SULT1C3: variants seen among roughly 807,000 people sequenced by gnomAD.
SULT1C3 encodes the protein sulfotransferase family 1C member 3, also known as sulfotransferase 1C3.
A neutral mutation model predicts 28.4 loss-of-function variants in SULT1C3; 31 were observed. The observed-to-expected ratio is 1.09, with a 90% CI of 0.82 to 1.47. The LOEUF (loss-of-function observed/expected upper bound fraction) is 1.47, where lower values mean the gene tolerates loss of function less well. SULT1C3 is among the 40% of genes most tolerant of loss of function. SULT1C3 has a pLI of 0.00. For synonymous variants in SULT1C3, 106 were observed against 92.2 expected, an observed-to-expected ratio of 1.15 and a Z score of -0.86; for missense variants, 307 against 272.5, an observed-to-expected ratio of 1.13 and a Z score of -0.89.
At chr2:108,244,707 C>A (rs529649055) in intron 1 of SULT1C3, among the ~76,000 whole-genome samples, 3 of 152,140 alleles carry the variant, frequency 2.0e-5, no homozygotes, top group Non-Finnish European at 4.4e-5. Context: ...CCTAAGTCTG[C>A]CTTTACTTGT....
intron 1 of SULT1C3, among the ~76,000 whole-genome samples, chr2:108,242,308 T>C (rs1573212269): frequency 2.0e-5 from 3 of 152,208 alleles, no homozygotes; most frequent in South Asian, 4.1e-4. Flanking sequence ...AAAACATATA[T>C]AGCAGCACAG....
intron 2 of SULT1C3, among the ~76,000 whole-genome samples, chr2:108,249,730 C>A (rs1357100448): frequency 6.6e-6 from 1 of 152,006 alleles, no homozygotes; most frequent in Non-Finnish European, 1.5e-5. Flanking sequence ...CACAAACTGA[C>A]AAATTGATTC....
intron 2 of SULT1C3, among the ~76,000 whole-genome samples, chr2:108,247,994 G>A (rs1430544157): frequency 6.6e-6 from 1 of 152,126 alleles, no homozygotes; most frequent in Non-Finnish European, 1.5e-5. Flanking sequence ...CAGCTATTAG[G>A]AGAATTGATG....
In SULT1C3 at chr2:108,247,083, A is replaced by T. The variant is rs17035894; in HGVS notation, c.-7-105A>T. ...GCATGTTATATGTTAGCTTTCACTT[A>T]TTTTATGCTATTCTAATCAAAGGCA... is the stretch of plus-strand genomic sequence containing the variant. On this transcript the variant is annotated intron_variant, in intron 1 of 7. Coordinates refer to ENST00000681802, the MANE Select transcript of SULT1C3 (RefSeq NM_001320878.2). 3,301 of 836,164 alleles carry T rather than the reference A, an allele frequency of 3.9e-3. 88 individuals are homozygous for T. In the African/African-American group the frequency reaches 0.052, roughly 13 times the overall value. The allele number at this position is 836,164 out of a possible 1,614,324, so 51.8% of individuals were successfully genotyped here.
At chr2:108,240,771 T>A (rs1439654957) in intron 1 of SULT1C3, among the ~76,000 whole-genome samples, 1 of 152,230 alleles carries the variant, frequency 6.6e-6, no homozygotes, top group Non-Finnish European at 1.5e-5. Flanking sequence ...GACAAATATA[T>A]GATAACATTT....
chr2:108,247,256 T>C lies in SULT1C3; in HGVS notation c.62T>C (p.Met21Thr), dbSNP rs574322977. Residue 21 changes from methionine (M) to threonine (T), a missense_variant, in exon 2 of 8, where the codon ATG (methionine) becomes ACG (threonine). Coordinates refer to ENST00000681802, the MANE Select transcript of SULT1C3 (RefSeq NM_001320878.2). ...AAAAAGCCAGAACTGTTTAACATCATGGAAGTAGATGGAGTCCCTACGTTG... is the reference window on the plus strand; with the variant it reads ...AAAAAGCCAGAACTGTTTAACATCACGGAAGTAGATGGAGTCCCTACGTTG... The part of the protein sequence containing the change: ...MEKKPELFNI[M>T]EVDGVPTLIL... 31 of 1,593,626 alleles carry C rather than the reference T, an allele frequency of 1.9e-5. No homozygotes were observed. In the East Asian group the frequency reaches 4.1e-4, roughly 21 times the overall value.
chr2:108,247,954 C>T (rs538533776), intron 2 of SULT1C3, among the ~76,000 whole-genome samples: 12 of 152,210 alleles, frequency 7.9e-5, no homozygotes, highest in East Asian at 5.8e-4. Context: ...AACTCACTTT[C>T]GATAGGCCAT....
intron 1 of SULT1C3, among the ~76,000 whole-genome samples, chr2:108,244,668 T>C (rs1356073281): frequency 6.6e-6 from 1 of 152,180 alleles, no homozygotes; most frequent in African/African-American, 2.4e-5. Context: ...AAAGCTTCTA[T>C]ATAGCTATCA....
chr2:108,245,131 C>A (rs1275479030), intron 1 of SULT1C3, among the ~76,000 whole-genome samples: 1 of 152,154 alleles, frequency 6.6e-6, no homozygotes, highest in Non-Finnish European at 1.5e-5. Flanking sequence ...CTGTCTTTGG[C>A]TCCTGAATCC....
intron 2 of SULT1C3, among the ~76,000 whole-genome samples, 198 bp from the exon 3 acceptor site, chr2:108,252,147 TTAGATAGATAGATAGATAGA>T (rs57768246): frequency 3.4e-5 from 5 of 148,968 alleles, no homozygotes; most frequent in Admixed American, 1.3e-4. Flanking sequence ...AGATGATAGA[TTAGATAGATAGATAGATAGA>T]TAGATAGATA....
chr2:108,256,111 C>G (rs1675861564), intron 5 of SULT1C3, among the ~76,000 whole-genome samples: 1 of 152,032 alleles, frequency 6.6e-6, no homozygotes, highest in Non-Finnish European at 1.5e-5. Context: ...CACAGACAGC[C>G]TTTCCCGTAG....
At position 108,253,813 on chromosome 2, in the gene SULT1C3, C is replaced by T. The variant is rs1675795119; in HGVS notation, c.399+371C>T. 3.3e-5 allele frequency among the ~76,000 whole-genome samples: 5 copies of T among 152,126 alleles called. No homozygotes were observed. The South Asian group carries it at 1.0e-3, about 32-fold the overall frequency. ...GAAGATATTCTCCTGGCCTCAGAAG[C>T]AGAGGTATAGAATCTGCTCTTGTCA... On this transcript the variant is annotated intron_variant, in intron 4 of 7. Coordinates refer to ENST00000681802, the MANE Select transcript of SULT1C3 (RefSeq NM_001320878.2).
intron 5 of SULT1C3, among the ~76,000 whole-genome samples, chr2:108,255,925 C>T (rs944746452): frequency 6.6e-6 from 1 of 151,880 alleles, no homozygotes; most frequent in African/African-American, 2.4e-5. Flanking sequence ...GGTAAAAAGC[C>T]CCAAATCCTT....
chr2:108,252,018 A>G (rs1675736038), intron 2 of SULT1C3, among the ~76,000 whole-genome samples: 1 of 152,044 alleles, frequency 6.6e-6, no homozygotes, highest in South Asian at 2.1e-4. Context: ...CAAACATGAT[A>G]GTTGAGAGAT....
chr2:108,242,133 T>C (rs561218413), intron 1 of SULT1C3, among the ~76,000 whole-genome samples: 14 of 152,322 alleles, frequency 9.2e-5, no homozygotes, highest in Non-Finnish European at 1.6e-4. Flanking sequence ...CTAAGTTATA[T>C]GATTCAGACC....
At chr2:108,257,625 A>T (rs1196037517) in intron 5 of SULT1C3, among the ~76,000 whole-genome samples, 1 of 152,080 alleles carries the variant, frequency 6.6e-6, no homozygotes, top group African/African-American at 2.4e-5. Flanking sequence ...ATTCACATAG[A>T]TGTAAATATA....
chr2:108,241,225 T>C (rs954878470), intron 1 of SULT1C3, among the ~76,000 whole-genome samples: 5 of 152,242 alleles, frequency 3.3e-5, no homozygotes, highest in African/African-American at 1.2e-4. Context: ...ACCCTTTCAG[T>C]CAAAGCATAT....
intron 1 of SULT1C3, among the ~76,000 whole-genome samples, chr2:108,244,235 A>T (rs1675530476): frequency 6.6e-6 from 1 of 152,144 alleles, no homozygotes; most frequent in Admixed American, 6.5e-5. Context: ...CAAAAGCCCA[A>T]CTGGTAAGAA....
At chr2:108,253,204 T>C (rs1675776195) in intron 3 of SULT1C3, 141 bp from the exon 4 acceptor site, 5 of 444,174 alleles carry the variant, frequency 1.1e-5, no homozygotes, top group Non-Finnish European at 1.9e-5. Flanking sequence ...ATGCTTTGTA[T>C]GTCCTTGTGG....
Sources: gnomAD v4.1 joint callset for allele counts (sites outside exome capture counted in the v4.1 genomes callset) on GRCh38, gnomAD v4.1.1 for gene constraint, MANE v1.5 for transcripts, NCBI Gene and HGNC (gene_info 2026-07-23, HGNC 2026-07-21) for gene names.